DCLK1: variants seen among roughly 807,000 people sequenced by gnomAD.
DCLK1 encodes the protein doublecortin like kinase 1.
Under a neutral mutation model 86.2 loss-of-function variants are expected in DCLK1, and 16 were observed. The ratio of observed to expected loss-of-function variants is 0.19; its 90% confidence interval spans 0.13 to 0.28. DCLK1 has a LOEUF of 0.28. DCLK1 is among the 10% of genes least tolerant of loss of function. The probability of loss-of-function intolerance (pLI) is 1.00; values close to 1 mark genes in which losing one functional copy is unlikely to be tolerated. For missense variants in DCLK1, 590 were observed against 940.2 expected (o/e 0.63, Z 4.87); for synonymous variants, 369 against 370.5 (o/e 1.00, Z 0.05).
intron 3 of DCLK1, among the ~76,000 whole-genome samples, chr13:36,025,990 G>A (rs1365724903): frequency 6.6e-6 from 1 of 152,022 alleles, no homozygotes; most frequent in Non-Finnish European, 1.5e-5. Flanking sequence ...GACATGCACT[G>A]TGTTTTCACT....
intron 2 of DCLK1, among the ~76,000 whole-genome samples, chr13:36,123,596 C>T (rs1371951174): frequency 1.3e-5 from 2 of 152,210 alleles, no homozygotes; most frequent in East Asian, 3.9e-4. Flanking sequence ...ACTAGCCTTC[C>T]TGGGTTCAAA....
chr13:35,967,047 C>T (rs1195968897), intron 3 of DCLK1, among the ~76,000 whole-genome samples: 1 of 151,576 alleles, frequency 6.6e-6, no homozygotes, highest in Non-Finnish European at 1.5e-5. Context: ...GTCATCCCGT[C>T]TAGGAAGTGA....
chr13:36,101,814 C>T (rs1315534645), intron 3 of DCLK1, among the ~76,000 whole-genome samples: 1 of 152,086 alleles, frequency 6.6e-6, no homozygotes, highest in Non-Finnish European at 1.5e-5. Flanking sequence ...CACCATCTAG[C>T]CTCACTGCAA....
intron 3 of DCLK1, among the ~76,000 whole-genome samples, chr13:35,962,717 G>A (rs1423295323): frequency 6.6e-6 from 1 of 152,172 alleles, no homozygotes; most frequent in African/African-American, 2.4e-5. Flanking sequence ...GAGGGTTTTA[G>A]AGGAAAACTC....
At position 36,002,835 on chromosome 13, in the gene DCLK1, A is replaced by C. The variant is rs148684109; in HGVS notation, c.724-55378T>G. 2.0e-3 allele frequency among the ~76,000 whole-genome samples: 300 copies of C among 152,342 alleles called. 2 individuals are homozygous for C. Among genetic ancestry groups the C allele is most frequent in the African/African-American group, 7.0e-3 (290 of 41,586 alleles). ...TGGCAAATTAACTTAATAAATTATA[A>C]ATTCCGAAGGAGCGACAGTTCTTAG... On this transcript the variant is annotated intron_variant, in intron 3 of 16. Transcript: ENST00000360631.
Position 35,821,672 on chromosome 13 carries a change from G to GTATA in DCLK1, c.1554+1053_1554+1056dup, listed in dbSNP as rs34181385. 2.5e-4 allele frequency among the ~76,000 whole-genome samples: 36 copies of GTATA among 144,704 alleles called. 1 individual carries two copies. In the South Asian group the frequency reaches 4.1e-3, roughly 17 times the overall value. The allele number at this position is 144,704 out of a possible 152,430, so 94.9% of individuals were successfully genotyped here. A position where few individuals can be genotyped will look rare whatever the true frequency, so the allele number is the denominator to read the frequency against. On this transcript the variant is annotated intron_variant, in intron 11 of 16. Coordinates refer to ENST00000360631, the MANE Select transcript of DCLK1 (RefSeq NM_001330071.2). ...GGAAAAGATATATATATAAATATAT[G>GTATA]TATATATATATATATATATGCACAG...
At chr13:36,074,828 C>A (rs1010513612) in intron 3 of DCLK1, among the ~76,000 whole-genome samples, 1 of 152,226 alleles carries the variant, frequency 6.6e-6, no homozygotes, top group African/African-American at 2.4e-5. Flanking sequence ...ACTCGCAGCT[C>A]CTTATGCTTT....
chr13:36,096,427 T>C (rs1311434750), intron 3 of DCLK1, among the ~76,000 whole-genome samples: 2 of 152,268 alleles, frequency 1.3e-5, no homozygotes, highest in Non-Finnish European at 2.9e-5. Context: ...GCATTTTCAA[T>C]GATGGTTCAG....
At chr13:35,982,918 C>T (rs576267482) in intron 3 of DCLK1, among the ~76,000 whole-genome samples, 5 of 152,174 alleles carry the variant, frequency 3.3e-5, no homozygotes, top group African/African-American at 9.6e-5. Flanking sequence ...CCCGCCACCA[C>T]ACCTGGCTAA....
chr13:35,958,240 TCAC>T (rs1237777888), intron 3 of DCLK1, among the ~76,000 whole-genome samples: 50 of 23,594 alleles, frequency 2.1e-3, no homozygotes, highest in Non-Finnish European at 3.2e-3. Flanking sequence ...ACCACCATCA[TCAC>T]CACCACCACT....
intron 4 of DCLK1, among the ~76,000 whole-genome samples, chr13:35,917,687 T>C (rs926665581): frequency 1.5e-4 from 23 of 152,092 alleles, no homozygotes; most frequent in Non-Finnish European, 1.5e-5. Flanking sequence ...CCTACTGAAT[T>C]CGAAACCCAG....
intron 3 of DCLK1, among the ~76,000 whole-genome samples, chr13:36,008,225 TTA>T (rs368761120): frequency 0.45 from 32,314 of 71,722 alleles, 4,888 homozygotes; most frequent in Non-Finnish European, 0.57. Context: ...ATTATTATTA[TTA>T]TTTTTTTAAT....
chr13:35,870,277 T>G (rs1319591531), intron 5 of DCLK1, among the ~76,000 whole-genome samples: 2 of 152,066 alleles, frequency 1.3e-5, no homozygotes, highest in African/African-American at 4.8e-5. Flanking sequence ...TTGGTAAAAC[T>G]CCAAGGGGAA....
intron 4 of DCLK1, among the ~76,000 whole-genome samples, chr13:35,942,054 T>C (rs1877111924): frequency 6.6e-6 from 1 of 152,252 alleles, no homozygotes; most frequent in Non-Finnish European, 1.5e-5. Flanking sequence ...TTTATCTTGT[T>C]AGATACAATC....
At chr13:35,994,356 C>T (rs1278218877) in intron 3 of DCLK1, among the ~76,000 whole-genome samples, 1 of 152,174 alleles carries the variant, frequency 6.6e-6, no homozygotes, top group African/African-American at 2.4e-5. Flanking sequence ...TCTTTTCTAG[C>T]TGTAAGCTTC....
At chr13:35,862,271 CAT>C (rs1379781758) in intron 5 of DCLK1, among the ~76,000 whole-genome samples, 3 of 152,200 alleles carry the variant, frequency 2.0e-5, no homozygotes, top group African/African-American at 4.8e-5. Context: ...TCACACTCCA[CAT>C]GTCTAAAACG....
chr13:36,035,733 T>C lies in DCLK1; in HGVS notation c.723+76136A>G, dbSNP rs143000253. Among the ~76,000 whole-genome samples the C allele has an allele frequency of 2.0e-4, 30 of 152,258 alleles. No individual in the cohort carries two copies. The East Asian group carries it at 5.8e-3, about 29-fold the overall frequency. On this transcript the variant is annotated intron_variant, in intron 3 of 16. Transcript: ENST00000360631. The stretch of plus-strand genomic sequence containing the variant: ...TGATATAATTTTGTTGCAAAAGGAA[T>C]TCAGGTTGTTACTTTTGTCACTGGC...
chr13:35,944,945 A>T (rs12863346), intron 4 of DCLK1, among the ~76,000 whole-genome samples: 1 of 151,962 alleles, frequency 6.6e-6, no homozygotes, highest in South Asian at 2.1e-4. Flanking sequence ...CTTGTTACCC[A>T]GGCTGGAGTG....
chr13:36,131,928 C>A (rs1443082892), upstream of DCLK1, among the ~76,000 whole-genome samples: 6 of 152,238 alleles, frequency 3.9e-5, no homozygotes, highest in Non-Finnish European at 7.3e-5. Flanking sequence ...TTGGGAAGAG[C>A]TGGATCTGTT....
Sources: gnomAD v4.1 joint callset for allele counts (sites outside exome capture counted in the v4.1 genomes callset) on GRCh38, gnomAD v4.1.1 for gene constraint, MANE v1.5 for transcripts, NCBI Gene and HGNC (gene_info 2026-07-23, HGNC 2026-07-21) for gene names.